The following NALF1 variants were observed in gnomAD, a reference collection of about 807,000 sequenced individuals.
NALF1 encodes NALCN channel auxiliary factor 1, also known as family with sequence similarity 155 member A.
A neutral mutation model predicts 48.4 loss-of-function variants in NALF1; 3 were observed. The ratio of observed to expected loss-of-function variants is 0.06; its 90% CI spans 0.03 to 0.16. NALF1 has a LOEUF of 0.16. Among genes scored for constraint, NALF1 ranks in the 10% least tolerant of loss-of-function variants. The probability of loss-of-function intolerance (pLI) is 1.00; values close to 1 mark genes in which losing one functional copy is unlikely to be tolerated. For missense variants in NALF1, 526 were observed against 571.5 expected, an observed-to-expected ratio of 0.92 and a Z score of 0.81; for synonymous variants, 262 against 245.7, an observed-to-expected ratio of 1.07 and a Z score of -0.62.
intron 2 of NALF1, among the ~76,000 whole-genome samples, chr13:107,178,092 C>T (rs907677154): frequency 4.0e-5 from 6 of 151,792 alleles, no homozygotes; most frequent in African/African-American, 7.3e-5. Context: ...TCTCAAACTA[C>T]GAAATTACTA....
chr13:107,857,969 C>T (rs1033559939), intron 1 of NALF1, among the ~76,000 whole-genome samples: 11 of 152,264 alleles, frequency 7.2e-5, no homozygotes, highest in Admixed American at 2.0e-4. Flanking sequence ...ATTATGAATT[C>T]ATAGAAATTA....
intron 1 of NALF1, among the ~76,000 whole-genome samples, chr13:107,710,778 T>TGC (rs1259501676): frequency 2.2e-5 from 1 of 45,520 alleles, no homozygotes; most frequent in South Asian, 6.8e-4. Context: ...CACACATATG[T>TGC]GTGTATATAC....
intron 1 of NALF1, among the ~76,000 whole-genome samples, chr13:107,805,305 C>T (rs1475414728): frequency 6.6e-6 from 1 of 152,118 alleles, no homozygotes; most frequent in East Asian, 1.9e-4. Context: ...CTTAAATTTG[C>T]ATATATATCA....
intron 1 of NALF1, among the ~76,000 whole-genome samples, chr13:107,543,706 TAC>T (rs888876525): frequency 9.2e-5 from 14 of 152,016 alleles, no homozygotes; most frequent in African/African-American, 3.1e-4. Flanking sequence ...CGTATATATA[TAC>T]ACACACACAT....
intron 1 of NALF1, among the ~76,000 whole-genome samples, chr13:107,566,290 G>A (rs112455310): frequency 0.01 from 1,560 of 152,252 alleles, 12 homozygotes; most frequent in Non-Finnish European, 0.017. Context: ...AGCATCTTTC[G>A]CATGCTGCAG....
chr13:107,715,541 C>T (rs992318586), intron 1 of NALF1, among the ~76,000 whole-genome samples: 6 of 152,058 alleles, frequency 3.9e-5, no homozygotes, highest in African/African-American at 1.4e-4. Flanking sequence ...TTCCTGTGCC[C>T]GATCAGGGAG....
At chr13:107,698,673 C>G (rs1052854018) in intron 1 of NALF1, among the ~76,000 whole-genome samples, 1 of 152,088 alleles carries the variant, frequency 6.6e-6, no homozygotes, top group East Asian at 1.9e-4. Flanking sequence ...TACAAATTGA[C>G]TCCAATTTGT....
intron 1 of NALF1, among the ~76,000 whole-genome samples, chr13:107,386,231 A>G (rs1256300533): frequency 2.0e-5 from 3 of 152,244 alleles, no homozygotes; most frequent in East Asian, 1.9e-4. Flanking sequence ...GTCTTTTCCT[A>G]TAAGTTACAT....
At chr13:107,761,497 G>A (rs1877263828) in intron 1 of NALF1, among the ~76,000 whole-genome samples, 1 of 152,154 alleles carries the variant, frequency 6.6e-6, no homozygotes, top group African/African-American at 2.4e-5. Flanking sequence ...TCTTGCACAT[G>A]AGTCTGGTTT....
At chr13:107,412,018 T>G (rs1594048845) in intron 1 of NALF1, among the ~76,000 whole-genome samples, 1 of 152,250 alleles carries the variant, frequency 6.6e-6, no homozygotes, top group Admixed American at 6.5e-5. Flanking sequence ...TGAAACCCAC[T>G]GGCATGATCT....
chr13:107,791,000 A>C (rs1878215019), intron 1 of NALF1, among the ~76,000 whole-genome samples: 1 of 152,124 alleles, frequency 6.6e-6, no homozygotes, highest in Non-Finnish European at 1.5e-5. Flanking sequence ...AGATGGTGAA[A>C]ACTACCCACA....
chr13:107,305,904 C>T (rs1881927349), intron 1 of NALF1, among the ~76,000 whole-genome samples: 1 of 152,138 alleles, frequency 6.6e-6, no homozygotes, highest in African/African-American at 2.4e-5. Context: ...CCAGAACATC[C>T]ATTTGTCAAA....
chr13:107,426,023 T>C (rs1172786944), intron 1 of NALF1, among the ~76,000 whole-genome samples: 1 of 152,298 alleles, frequency 6.6e-6, no homozygotes, highest in East Asian at 1.9e-4. Flanking sequence ...TGAAACTATG[T>C]TAGACATCTT....
At chr13:107,696,507 C>T (rs1881702422) in intron 1 of NALF1, among the ~76,000 whole-genome samples, 2 of 151,406 alleles carry the variant, frequency 1.3e-5, no homozygotes, top group African/African-American at 4.9e-5. Flanking sequence ...CTACTGCCTA[C>T]TAGTTAGGAG....
intron 1 of NALF1, among the ~76,000 whole-genome samples, chr13:107,423,543 T>C (rs1884228583): frequency 1.3e-5 from 2 of 152,086 alleles, no homozygotes; most frequent in Admixed American, 6.6e-5. Context: ...GCAGCAAATA[T>C]TATTTCAAAA....
intron 1 of NALF1, among the ~76,000 whole-genome samples, chr13:107,496,785 T>C (rs1332573007): frequency 1.3e-5 from 2 of 152,154 alleles, no homozygotes; most frequent in Non-Finnish European, 2.9e-5. Context: ...CTTAGATGGA[T>C]GGGAGCAGGC....
rs73595231 is a variant in NALF1 at position 107,607,935 on chromosome 13, G to A, written c.915+257747C>T. 3.7e-3 allele frequency among the ~76,000 whole-genome samples: 569 copies of A among 152,270 alleles called. 4 individuals carry two copies. The highest frequency in any genetic ancestry group is 0.013 in the African/African-American group (540 of 41,546). On this transcript the variant is annotated intron_variant, in intron 1 of 2. Transcript: ENST00000375915. ...AATCTTCCTCTACAGAAGGATGAGC[G>A]TTCTGTCATGGACTTCACTGTCTAC...
intron 2 of NALF1, among the ~76,000 whole-genome samples, chr13:107,194,364 A>G (rs1357125353): frequency 6.6e-6 from 1 of 152,202 alleles, no homozygotes; most frequent in Non-Finnish European, 1.5e-5. Flanking sequence ...CATGGTATGC[A>G]TAGAAATAGG....
intron 1 of NALF1, among the ~76,000 whole-genome samples, chr13:107,751,758 C>T (rs1465479930): frequency 2.0e-5 from 3 of 151,970 alleles, no homozygotes; most frequent in African/African-American, 4.8e-5. Context: ...ATTCTGTAAC[C>T]GACTGCTTAC....
Sources: allele counts gnomAD v4.1 joint callset (sites outside exome capture counted in the v4.1 genomes callset), GRCh38; gene constraint gnomAD v4.1.1; transcripts MANE v1.5; gene names NCBI Gene and HGNC (gene_info 2026-07-23, HGNC 2026-07-21).